PLEKHG1: variants seen among roughly 807,000 people sequenced by gnomAD.
PLEKHG1 encodes pleckstrin homology and RhoGEF domain containing G1, also known as pleckstrin homology domain-containing family G member 1.
In PLEKHG1, 44 loss-of-function variants were observed where a neutral mutation model predicts 100.8. The ratio of observed to expected loss-of-function variants is 0.44; its 90% CI spans 0.34 to 0.56. The LOEUF (loss-of-function observed/expected upper bound fraction) is 0.56. Among genes scored for constraint, PLEKHG1 ranks in the 20% least tolerant of loss-of-function variants. The probability of loss-of-function intolerance (pLI) is 0.01; values close to 1 mark genes in which losing one functional copy is unlikely to be tolerated. For missense variants in PLEKHG1, 1,545 were observed against 1,720.9 expected, an observed-to-expected ratio of 0.90 and a Z score of 1.81; for synonymous variants, 640 against 662.5, an observed-to-expected ratio of 0.97 and a Z score of 0.52.
At position 150,667,682 on chromosome 6, in the gene PLEKHG1, A is replaced by G. The variant is rs74513410; in HGVS notation, c.-99+16896A>G. ...CATTGAATTTGCATTAAAATTGCCT[A>G]GGAAATAATATTACCCGGTTTTCCT... On this transcript the variant is annotated intron_variant, in intron 3 of 3. Coordinates refer to the PLEKHG1 transcript ENST00000367326. 9.2e-5 allele frequency among the ~76,000 whole-genome samples: 14 copies of G among 152,336 alleles called. No individual in the cohort carries two copies. In the East Asian group the frequency reaches 2.7e-3, roughly 29 times the overall value.
chr6:150,771,415 T>TTGAATGAATGAATGAA (rs112737006), intron 3 of PLEKHG1, among the ~76,000 whole-genome samples: 1 of 151,714 alleles, frequency 6.6e-6, no homozygotes, highest in Non-Finnish European at 1.5e-5. Context: ...AGACTCCATC[T>TTGAATGAATGAATGAA]TGAATGAATG....
rs902112391 is a variant in PLEKHG1 at position 150,600,318 on chromosome 6, G to A, written c.-204+301G>A. 2.0e-5 allele frequency among the ~76,000 whole-genome samples: 3 copies of A among 151,834 alleles called. No homozygotes were observed. The highest frequency in any genetic ancestry group is 2.9e-5 in the Non-Finnish European group (2 of 67,898). On this transcript the variant is annotated intron_variant, in intron 1 of 3. Transcript: ENST00000367326. The surrounding 1 kb of genome is among the most constrained non-coding windows in gnomAD (Gnocchi z 6.2). ...GCTGCCCGCCGCCGCCCCGCTTGGG[G>A]TTCCGCGCCCCCAAGTTCCCGGTGC...
At chr6:150,608,723 A>G (rs1375747858) in intron 1 of PLEKHG1, among the ~76,000 whole-genome samples, 1 of 152,214 alleles carries the variant, frequency 6.6e-6, no homozygotes, top group African/African-American at 2.4e-5. Context: ...GATATTATGA[A>G]AAAAACTGTG....
At chr6:150,764,538 C>T (rs150551084) in intron 2 of PLEKHG1, among the ~76,000 whole-genome samples, 1 of 152,348 alleles carries the variant, frequency 6.6e-6, no homozygotes, top group African/African-American at 2.4e-5. Flanking sequence ...TTAGCCTCAT[C>T]TAGCAGTGCA....
chr6:150,612,408 T>C lies in PLEKHG1; in HGVS notation c.-204+12391T>C, dbSNP rs546006893. Among the ~76,000 whole-genome samples, 748 of 152,206 alleles carry C rather than the reference T, an allele frequency of 4.9e-3. 6 individuals carry two copies. The highest frequency in any genetic ancestry group is 0.017 in the African/African-American group (719 of 41,526). The stretch of plus-strand genomic sequence containing the variant: ...AGTGCAGTGGCATGATCTCGGTTCC[T>C]TGTAACCTCTGCCTCCCGGATTCCG... On this transcript the variant is annotated intron_variant, in intron 1 of 3. Transcript: ENST00000367326.
upstream of PLEKHG1, among the ~76,000 whole-genome samples, chr6:150,717,728 A>G (rs753563846): frequency 6.6e-6 from 1 of 152,208 alleles, no homozygotes; most frequent in Admixed American, 6.5e-5. Context: ...GGGTATCTTT[A>G]TCACCTAACA....
chr6:150,715,847 G>A (rs1402850708), intron 3 of PLEKHG1, among the ~76,000 whole-genome samples: 5 of 148,276 alleles, frequency 3.4e-5, no homozygotes, highest in Admixed American at 2.7e-4. Context: ...GGTGGCTCAC[G>A]CCTGTAATCC....
upstream of PLEKHG1, among the ~76,000 whole-genome samples, chr6:150,717,130 C>T (rs1224885564): frequency 6.6e-6 from 1 of 152,204 alleles, no homozygotes; most frequent in Non-Finnish European, 1.5e-5. Context: ...CTTCCAGGTT[C>T]AAATGATTCC....
chr6:150,821,510 C>T (rs1776298763), intron 13 of PLEKHG1, among the ~76,000 whole-genome samples: 1 of 151,962 alleles, frequency 6.6e-6, no homozygotes, highest in South Asian at 2.1e-4. Flanking sequence ...ATGGTGAAAC[C>T]CCGTCTCTAC....
At chr6:150,601,706 C>A (rs1384571072) in intron 1 of PLEKHG1, among the ~76,000 whole-genome samples, 1 of 152,222 alleles carries the variant, frequency 6.6e-6, no homozygotes, top group Non-Finnish European at 1.5e-5. Flanking sequence ...CAGTCAACAG[C>A]AATGGCTGCA....
At chr6:150,617,367 TGTTTC>T (rs543554934) in intron 1 of PLEKHG1, among the ~76,000 whole-genome samples, 8 of 152,360 alleles carry the variant, frequency 5.3e-5, no homozygotes, top group African/African-American at 1.2e-4. Context: ...ACGGAATTGT[TGTTTC>T]TATTGGAATT....
At chr6:150,736,576 C>A (rs975398085) in intron 2 of PLEKHG1, among the ~76,000 whole-genome samples, 5 of 152,148 alleles carry the variant, frequency 3.3e-5, no homozygotes, top group Non-Finnish European at 7.4e-5. Flanking sequence ...CGAGACCAGC[C>A]TGGACAACAT....
chr6:150,603,087 AAAAAAAT>A (rs1776428922), intron 1 of PLEKHG1, among the ~76,000 whole-genome samples: 2 of 148,964 alleles, frequency 1.3e-5, no homozygotes, highest in African/African-American at 2.4e-5. Context: ...CTCAAAAAAA[AAAAAAAT>A]AAAAAAAAAG....
intron 2 of PLEKHG1, among the ~76,000 whole-genome samples, chr6:150,644,350 T>TTTTTTTTTTTTTTTTTTTTTTCTG (rs1562405103): frequency 6.7e-6 from 1 of 148,684 alleles, no homozygotes. Context: ...TTTTTTTTTT[T>TTTTTTTTTTTTTTTTTTTTTTCTG]TTGTTACAGA....
chr6:150,732,437 T>C (rs58194397), intron 1 of PLEKHG1, among the ~76,000 whole-genome samples: 1 of 152,200 alleles, frequency 6.6e-6, no homozygotes, highest in African/African-American at 2.4e-5. Context: ...CAATGGGGTG[T>C]GAGTCTTAAT....
intron 4 of PLEKHG1, among the ~76,000 whole-genome samples, chr6:150,789,489 C>T (rs1302037101): frequency 2.0e-5 from 3 of 152,154 alleles, no homozygotes; most frequent in South Asian, 4.1e-4. Flanking sequence ...AATCACAGCC[C>T]TCCAATTTAA....
intron 1 of PLEKHG1, among the ~76,000 whole-genome samples, chr6:150,726,280 G>A (rs1230150672): frequency 1.3e-5 from 2 of 152,102 alleles, no homozygotes; most frequent in Admixed American, 6.5e-5. Flanking sequence ...ATTGTAAAAT[G>A]TTTAATAATA....
At chr6:150,614,153 A>T (rs1292983906) in intron 1 of PLEKHG1, among the ~76,000 whole-genome samples, 5 of 152,214 alleles carry the variant, frequency 3.3e-5, no homozygotes, top group Non-Finnish European at 5.9e-5. Flanking sequence ...TACTTGACTC[A>T]CAATGTGGCA....
intron 3 of PLEKHG1, among the ~76,000 whole-genome samples, chr6:150,715,454 T>C (rs527998682): frequency 1.3e-5 from 2 of 152,112 alleles, no homozygotes; most frequent in African/African-American, 4.8e-5. Flanking sequence ...TGGCGTGCAA[T>C]TGACTTTAAC....
Sources: allele counts gnomAD v4.1 joint callset (sites outside exome capture counted in the v4.1 genomes callset), GRCh38; gene constraint gnomAD v4.1.1; non-coding constraint Gnocchi (gnomAD v3.1); transcripts MANE v1.5; gene names NCBI Gene and HGNC (gene_info 2026-07-23, HGNC 2026-07-21).